The following FILIP1L variants were observed in gnomAD, a reference collection of about 807,000 sequenced individuals.
The protein encoded by FILIP1L is filamin A interacting protein 1 like.
Under a neutral mutation model 96.6 loss-of-function variants are expected in FILIP1L, and 55 were observed. The ratio of observed to expected loss-of-function variants is 0.57; its 90% CI spans 0.46 to 0.71. The LOEUF (loss-of-function observed/expected upper bound fraction) is 0.71. Ranked by LOEUF, FILIP1L falls within the 30% of genes least tolerant of loss-of-function variation. The pLI, the probability that FILIP1L is intolerant of heterozygous loss-of-function variation, is 0.00. For missense variants in FILIP1L, 1,304 were observed against 1,321.2 expected (o/e 0.99, Z 0.20); for synonymous variants, 467 against 473.9 (o/e 0.99, Z 0.19).
intron 1 of FILIP1L, among the ~76,000 whole-genome samples, chr3:99,983,909 G>T (rs1258455474): frequency 6.6e-6 from 1 of 152,082 alleles, no homozygotes; most frequent in East Asian, 1.9e-4. Context: ...TCACAAAACA[G>T]CCTAGAGGAA....
chr3:99,830,943 G>A (rs111942883), intron 5 of FILIP1L, among the ~76,000 whole-genome samples: 2,924 of 152,286 alleles, frequency 0.019, 87 homozygotes, highest in African/African-American at 0.066. Context: ...GGTTAATTTC[G>A]AATGAGATTG....
chr3:99,929,122 G>T (rs1559691954), intron 3 of FILIP1L, among the ~76,000 whole-genome samples: 2 of 152,170 alleles, frequency 1.3e-5, no homozygotes, highest in Non-Finnish European at 2.9e-5. Flanking sequence ...GAAAAATTAT[G>T]AAATTTTCCA....
At chr3:99,881,294 T>C (rs968126892) in intron 4 of FILIP1L, among the ~76,000 whole-genome samples, 4 of 152,254 alleles carry the variant, frequency 2.6e-5, no homozygotes, top group African/African-American at 9.6e-5. Flanking sequence ...GTCCATTTGC[T>C]TATTTATTCC....
intron 1 of FILIP1L, among the ~76,000 whole-genome samples, chr3:100,088,318 T>C (rs371520873): frequency 5.9e-5 from 9 of 152,252 alleles, no homozygotes; most frequent in African/African-American, 2.2e-4. Context: ...AATATAGGTT[T>C]TCAGTGTAAC....
intron 1 of FILIP1L, among the ~76,000 whole-genome samples, chr3:100,106,112 T>C (rs558877922): frequency 6.6e-6 from 1 of 152,216 alleles, no homozygotes; most frequent in East Asian, 1.9e-4. Context: ...GATATTACTG[T>C]CAATGGTAGA....
chr3:100,096,723 T>G (rs1463127317), intron 1 of FILIP1L, among the ~76,000 whole-genome samples: 1 of 151,696 alleles, frequency 6.6e-6, no homozygotes. Context: ...GTGACTACAG[T>G]CAAATTAATT....
Position 99,957,857 on chromosome 3 carries a change from A to G in FILIP1L, c.-10-26827T>C, listed in dbSNP as rs145820565. The stretch of plus-strand genomic sequence containing the variant: ...GCCTGGATATTTGTATGTTCTTAAT[A>G]TAGGCCTAATAACAGCTGAAATGTC... On this transcript the variant is annotated intron_variant, in intron 1 of 5. Coordinates refer to ENST00000477258, the MANE Select transcript of FILIP1L (RefSeq NM_001387850.1). Among the ~76,000 whole-genome samples, 681 of 150,658 alleles carry G rather than the reference A, an allele frequency of 4.5e-3. 6 individuals are homozygous for G. Among genetic ancestry groups the G allele is most frequent in the African/African-American group, 0.016 (667 of 41,168 alleles).
At chr3:99,914,841 A>G (rs918500017) in intron 4 of FILIP1L, among the ~76,000 whole-genome samples, 1 of 152,234 alleles carries the variant, frequency 6.6e-6, no homozygotes, top group African/African-American at 2.4e-5. Context: ...TTGCTAAATA[A>G]GTTGTGATGC....
intron 1 of FILIP1L, among the ~76,000 whole-genome samples, chr3:99,971,201 C>A (rs59112574): frequency 6.6e-6 from 1 of 151,940 alleles, no homozygotes; most frequent in African/African-American, 2.4e-5. Flanking sequence ...TTAGCCGGGC[C>A]TGGTGGCAGA....
rs71625540 is a variant in FILIP1L, at chr3:99,829,228, ATT to A, written c.*1184_*1185del. The stretch of plus-strand genomic sequence containing the variant: ...AAAAATGTTTAGTGTCGTTCCATTG[ATT>A]TTTTTCCCCCCTCGATTGAAGCTTT... On this transcript the variant is annotated 3_prime_UTR_variant, in exon 6 of 6. Transcript: ENST00000477258. 4.0e-5 allele frequency among the ~76,000 whole-genome samples: 6 copies of A among 151,876 alleles called. No individual in the cohort carries two copies. The highest frequency in any genetic ancestry group is 2.1e-4 in the South Asian group (1 of 4,806).
At chr3:99,997,002 G>A (rs1374509265) in intron 1 of FILIP1L, among the ~76,000 whole-genome samples, 1 of 152,166 alleles carries the variant, frequency 6.6e-6, no homozygotes, top group African/African-American at 2.4e-5. Context: ...CACAAGCAGT[G>A]CTAAATGGAA....
At chr3:99,876,534 T>C (rs1447466460) in intron 4 of FILIP1L, among the ~76,000 whole-genome samples, 9 of 152,262 alleles carry the variant, frequency 5.9e-5, no homozygotes, top group Non-Finnish European at 1.0e-4. Flanking sequence ...GTTATTCTTA[T>C]GTAAACTTTT....
intron 1 of FILIP1L, among the ~76,000 whole-genome samples, chr3:100,028,830 A>C (rs989818354): frequency 1.3e-5 from 2 of 152,076 alleles, no homozygotes; most frequent in Non-Finnish European, 2.9e-5. Flanking sequence ...TAGACTCCAA[A>C]CTCATTACTG....
chr3:99,877,963 C>T (rs1375694835), intron 4 of FILIP1L, among the ~76,000 whole-genome samples: 1 of 152,164 alleles, frequency 6.6e-6, no homozygotes, highest in African/African-American at 2.4e-5. Context: ...CTCACATATC[C>T]ATACTCAAGT....
intron 4 of FILIP1L, among the ~76,000 whole-genome samples, chr3:99,910,898 A>G (rs1032116046): frequency 1.3e-5 from 2 of 152,150 alleles, no homozygotes; most frequent in Admixed American, 1.3e-4. Context: ...TATATTCTCT[A>G]AGTAAGGTTA....
chr3:100,029,950 T>C (rs1273349122), intron 1 of FILIP1L, among the ~76,000 whole-genome samples: 1 of 152,174 alleles, frequency 6.6e-6, no homozygotes, highest in Non-Finnish European at 1.5e-5. Flanking sequence ...AGGTGTGACA[T>C]GAGTGAGGAC....
chr3:99,945,383 G>A (rs912518303), intron 1 of FILIP1L, among the ~76,000 whole-genome samples: 2 of 152,164 alleles, frequency 1.3e-5, no homozygotes, highest in African/African-American at 4.8e-5. Context: ...TGGTAATGGG[G>A]ATAGATTGAG....
At chr3:99,942,966 A>G (rs1005024379) in intron 1 of FILIP1L, among the ~76,000 whole-genome samples, 2 of 152,196 alleles carry the variant, frequency 1.3e-5, no homozygotes, top group Non-Finnish European at 2.9e-5. Flanking sequence ...AGAGTAAACT[A>G]TGTCCCAGGA....
chr3:99,865,228 A>G (rs1452256843), intron 4 of FILIP1L, among the ~76,000 whole-genome samples: 1 of 152,160 alleles, frequency 6.6e-6, no homozygotes, highest in Non-Finnish European at 1.5e-5. Flanking sequence ...ACAAATAAGA[A>G]CTGAGGCTCA....
Sources: allele counts gnomAD v4.1 joint callset (sites outside exome capture counted in the v4.1 genomes callset), GRCh38; gene constraint gnomAD v4.1.1; transcripts MANE v1.5; gene names NCBI Gene and HGNC (gene_info 2026-07-23, HGNC 2026-07-21).